The following DISP1 variants were observed in gnomAD, a reference collection of about 807,000 sequenced individuals.
DISP1 encodes dispatched RND transporter family member 1.
Under a neutral mutation model 37.3 loss-of-function variants are expected in DISP1, and 30 were observed. The observed-to-expected ratio is 0.80, with a 90% CI of 0.60 to 1.09. The LOEUF is 1.09. Among genes scored for constraint, DISP1 ranks in the 50% least tolerant of loss-of-function variants. The pLI, the probability that DISP1 is intolerant of heterozygous loss-of-function variation, is 0.00. For synonymous variants in DISP1, 634 were observed against 690.2 expected (o/e 0.92, Z 1.28); for missense variants, 1,598 against 1,879.5 (o/e 0.85, Z 2.77).
intron 5 of DISP1, 33 bp downstream of exon 5, chr1:222,990,781 A>G (rs1413975150): frequency 1.9e-6 from 3 of 1,612,646 alleles, no homozygotes; most frequent in African/African-American, 2.7e-5. Context: ...TTAGCCTAAA[A>G]TCATCTCCAA....
intron 3 of DISP1, among the ~76,000 whole-genome samples, chr1:222,961,305 C>G (rs1676040674): frequency 1.3e-5 from 2 of 152,212 alleles, no homozygotes; most frequent in South Asian, 4.1e-4. Flanking sequence ...GGATGCAAGG[C>G]TGGTTCAACA....
chr1:222,991,753 C>T (rs1678711917), intron 6 of DISP1, 106 bp downstream of exon 6: 2 of 1,304,348 alleles, frequency 1.5e-6, no homozygotes, highest in African/African-American at 3.0e-5. Context: ...ATGTGTGGCT[C>T]AAAATCTTTG....
At chr1:222,863,078 C>T (rs952418185) in intron 1 of DISP1, among the ~76,000 whole-genome samples, 3 of 152,152 alleles carry the variant, frequency 2.0e-5, no homozygotes, top group African/African-American at 7.2e-5. Context: ...GGCTGGAAAA[C>T]CACAGAAGAG....
chr1:222,997,319 G>A (rs571598484), intron 8 of DISP1, among the ~76,000 whole-genome samples: 1 of 152,196 alleles, frequency 6.6e-6, no homozygotes, highest in East Asian at 1.9e-4. Flanking sequence ...GAGCAAAAAG[G>A]ATTCACAATC....
At chr1:222,989,698 C>T (rs1678543696) in intron 4 of DISP1, among the ~76,000 whole-genome samples, 1 of 152,154 alleles carries the variant, frequency 6.6e-6, no homozygotes, top group African/African-American at 2.4e-5. Flanking sequence ...TGATCAACTT[C>T]CACTGACAAG....
chr1:222,817,743 T>C (rs1661612214), intron 1 of DISP1, among the ~76,000 whole-genome samples: 1 of 152,210 alleles, frequency 6.6e-6, no homozygotes, highest in East Asian at 1.9e-4. Context: ...GTGACCAAGA[T>C]GACTTGGGCC....
At chr1:222,979,782 G>A (rs777674915) in intron 3 of DISP1, 181 of 389,286 alleles carry the variant, frequency 4.6e-4, no homozygotes, top group Non-Finnish European at 8.7e-4. Flanking sequence ...CCAGCTGAGC[G>A]CTGCAGGTCA....
At chr1:222,816,465 T>C (rs1254518264) in intron 1 of DISP1, among the ~76,000 whole-genome samples, 1 of 152,250 alleles carries the variant, frequency 6.6e-6, no homozygotes, top group Non-Finnish European at 1.5e-5. Flanking sequence ...ATTGCTTTGC[T>C]TGTTTCAGGT....
chr1:222,913,934 C>T (rs1271680351), intron 1 of DISP1, among the ~76,000 whole-genome samples: 1 of 133,028 alleles, frequency 7.5e-6, no homozygotes. Context: ...CAAATACATT[C>T]TAAATAAAAA....
rs372556152 is a variant in DISP1 at position 222,887,659 on chromosome 1, C to T, written c.-158-40771C>T. ...GACTACAGGCGCCCGCCACCGCGCC[C>T]GGCTAATTTTTTGTATTTTTAGTAG... On this transcript the variant is annotated intron_variant, in intron 1 of 8. Coordinates refer to ENST00000675850, the MANE Select transcript of DISP1 (RefSeq NM_001377229.1). Among the ~76,000 whole-genome samples, 15 of 138,286 alleles carry T rather than the reference C, an allele frequency of 1.1e-4. 1 individual carries two copies. The highest frequency in any genetic ancestry group is 2.4e-4 in the African/African-American group (9 of 37,686). The allele number at this position is 138,286 out of a possible 152,430, so 90.7% of individuals were successfully genotyped here. A position where few individuals can be genotyped will look rare whatever the true frequency, so the allele number is the denominator to read the frequency against.
chr1:222,875,037 G>A (rs1341404375), intron 1 of DISP1, among the ~76,000 whole-genome samples: 1 of 152,086 alleles, frequency 6.6e-6, no homozygotes, highest in Non-Finnish European at 1.5e-5. Context: ...CATTGTAAAC[G>A]AATTGGTAAA....
chr1:222,818,442 G>A (rs755200738), intron 1 of DISP1, among the ~76,000 whole-genome samples: 1 of 152,112 alleles, frequency 6.6e-6, no homozygotes, highest in Non-Finnish European at 1.5e-5. Flanking sequence ...GCCTCTTGAA[G>A]CAAAATAGTA....
At chr1:222,875,232 G>A (rs1205887396) in intron 1 of DISP1, among the ~76,000 whole-genome samples, 2 of 151,952 alleles carry the variant, frequency 1.3e-5, no homozygotes, top group Non-Finnish European at 2.9e-5. Flanking sequence ...AGAATCACTT[G>A]AACCCAGGAG....
At chr1:222,922,240 GT>G (rs1216281084) in intron 1 of DISP1, among the ~76,000 whole-genome samples, 1 of 152,154 alleles carries the variant, frequency 6.6e-6, no homozygotes, top group African/African-American at 2.4e-5. Context: ...AGCCATGAGT[GT>G]TTTTTTGGAC....
At chr1:222,820,477 A>C (rs1662566467) in intron 1 of DISP1, among the ~76,000 whole-genome samples, 1 of 152,214 alleles carries the variant, frequency 6.6e-6, no homozygotes, top group Non-Finnish European at 1.5e-5. Context: ...GAAGTTAAAG[A>C]TAGAAAAGCA....
At chr1:222,977,534 CTTT>C (rs35860006) in intron 3 of DISP1, among the ~76,000 whole-genome samples, 6,484 of 132,358 alleles carry the variant, frequency 0.049, 484 homozygotes, top group African/African-American at 0.17. Context: ...TTTTTAAATT[CTTT>C]TTTTTTTTTT....
chr1:222,992,137 C>T, intron 7 of DISP1, 27 bp downstream of exon 7: 1 of 1,538,606 alleles, frequency 6.5e-7, no homozygotes, highest in Non-Finnish European at 9.0e-7. Flanking sequence ...ATGAACAAAC[C>T]ACTCAGCAGT....
intron 3 of DISP1, among the ~76,000 whole-genome samples, chr1:222,982,053 T>C (rs1046689279): frequency 6.6e-6 from 1 of 152,200 alleles, no homozygotes; most frequent in Non-Finnish European, 1.5e-5. Flanking sequence ...GCCCATTACA[T>C]GTTAACATAA....
chr1:222,956,659 C>T (rs144650599), intron 3 of DISP1, among the ~76,000 whole-genome samples: 5 of 152,132 alleles, frequency 3.3e-5, no homozygotes, highest in Middle Eastern at 3.4e-3. Context: ...TACCCCTGAC[C>T]TCCTTCTCCC....
Sources: allele counts gnomAD v4.1 joint callset (sites outside exome capture counted in the v4.1 genomes callset), GRCh38; gene constraint gnomAD v4.1.1; transcripts MANE v1.5; gene names NCBI Gene and HGNC (gene_info 2026-07-23, HGNC 2026-07-21).